The following GLRB variants were observed in gnomAD, a reference collection of about 807,000 sequenced individuals.
The protein encoded by GLRB is glycine receptor subunit beta.
Under a neutral mutation model 54.2 loss-of-function variants are expected in GLRB, and 33 were observed. That is an observed-to-expected ratio of 0.61 (90% confidence interval 0.46 to 0.81). GLRB has a LOEUF of 0.81. Among genes scored for constraint, GLRB ranks in the 40% least tolerant of loss-of-function variants. The pLI, the probability that GLRB is intolerant of heterozygous loss-of-function variation, is 0.00. For synonymous variants in GLRB, 209 were observed against 208.2 expected (o/e 1.00, Z -0.03); for missense variants, 572 against 584.6 (o/e 0.98, Z 0.22).
At chr4:157,132,795 A>G (rs757125562) in intron 4 of GLRB, among the ~76,000 whole-genome samples, 80 of 151,906 alleles carry the variant, frequency 5.3e-4, no homozygotes, top group Non-Finnish European at 8.5e-4. Context: ...GTCCGGCAAA[A>G]TCAATTTTTA....
At chr4:157,094,427 G>T (rs548701713) in intron 2 of GLRB, among the ~76,000 whole-genome samples, 20 of 152,260 alleles carry the variant, frequency 1.3e-4, no homozygotes, top group African/African-American at 4.6e-4. Context: ...AATCACTGCA[G>T]TTTATTTTTC....
At chr4:157,140,337 T>A (rs1023914960) in intron 7 of GLRB, among the ~76,000 whole-genome samples, 1 of 151,906 alleles carries the variant, frequency 6.6e-6, no homozygotes, top group African/African-American at 2.4e-5. Flanking sequence ...GTGAATACAT[T>A]ACTTATTAAA....
At chr4:157,127,017 A>G (rs1736038920) in intron 4 of GLRB, among the ~76,000 whole-genome samples, 2 of 151,852 alleles carry the variant, frequency 1.3e-5, no homozygotes, top group Admixed American at 1.3e-4. Context: ...TTTTAATAAT[A>G]GATTGCAACT....
At position 157,129,751 on chromosome 4, in the gene GLRB, G is replaced by A. The variant is rs532769326; in HGVS notation, c.298-6718G>A. ...AAATAATTGGGGTAGAGACCCATTTGAGCTTTTTTTTTGTGGTGTATTGAG... is the reference window on the plus strand; with the variant it reads ...AAATAATTGGGGTAGAGACCCATTTAAGCTTTTTTTTTGTGGTGTATTGAG... On this transcript the variant is annotated intron_variant, in intron 4 of 9. Transcript: ENST00000264428. Among the ~76,000 whole-genome samples, 134 of 151,210 alleles carry A rather than the reference G, an allele frequency of 8.9e-4. 2 individuals carry two copies. The South Asian group carries it at 0.017, about 19-fold the overall frequency.
At chr4:157,106,669 C>G (rs887116207) in intron 2 of GLRB, among the ~76,000 whole-genome samples, 4 of 151,900 alleles carry the variant, frequency 2.6e-5, no homozygotes, top group Non-Finnish European at 5.9e-5. Context: ...GTATTTGGAA[C>G]CTGGCACTCA....
At chr4:157,100,721 G>A (rs1371825365) in intron 2 of GLRB, among the ~76,000 whole-genome samples, 1 of 152,080 alleles carries the variant, frequency 6.6e-6, no homozygotes, top group Non-Finnish European at 1.5e-5. Context: ...ACAGAAACCA[G>A]TTGGGAATGT....
intron 9 of GLRB, among the ~76,000 whole-genome samples, chr4:157,159,454 T>C (rs550320681): frequency 3.3e-5 from 5 of 152,300 alleles, no homozygotes; most frequent in African/African-American, 9.6e-5. Flanking sequence ...TTGAGTATGA[T>C]ATTGGGCTGT....
At chr4:157,107,421 TA>T (rs1308758243) in intron 2 of GLRB, among the ~76,000 whole-genome samples, 4 of 152,036 alleles carry the variant, frequency 2.6e-5, no homozygotes, top group African/African-American at 9.7e-5. Flanking sequence ...AGAAGGAAAT[TA>T]AAAGTGCCAT....
intron 2 of GLRB, among the ~76,000 whole-genome samples, chr4:157,110,175 C>A (rs1418712512): frequency 2.0e-5 from 3 of 151,936 alleles, no homozygotes; most frequent in Non-Finnish European, 4.4e-5. Flanking sequence ...GGGCCATGAA[C>A]TGCCAGTCAT....
intron 2 of GLRB, among the ~76,000 whole-genome samples, chr4:157,101,001 C>A (rs1222349448): frequency 6.6e-6 from 1 of 152,090 alleles, no homozygotes; most frequent in Admixed American, 6.6e-5. Flanking sequence ...TAGACACTTA[C>A]TAAACATTTA....
intron 2 of GLRB, among the ~76,000 whole-genome samples, chr4:157,102,262 C>A (rs1221204110): frequency 6.6e-6 from 1 of 152,148 alleles, no homozygotes; most frequent in Non-Finnish European, 1.5e-5. Context: ...CAATACAGTA[C>A]TGTTAACTAT....
In GLRB at chr4:157,152,930, G is replaced by A. The variant is rs774510039; in HGVS notation, c.1117G>A (p.Ala373Thr). ...AGCCAGAATTGCTAAGGCTGAGCAA[G>A]CAGATGGAAAAGGTGGAAATGTGGC... ...EKARIAKAEQ[A>T]DGKGGNVAKK... The change falls in exon 9 of 10, where the codon GCA becomes ACA. Residue 373 changes from alanine (A) to threonine (T), a missense_variant. By Grantham distance (58) the Ala-to-Thr change is moderately conservative. Transcript: ENST00000264428. 1.9e-6 allele frequency: 3 copies of A among 1,613,898 alleles called. No homozygotes were observed. The highest frequency in any genetic ancestry group is 2.5e-6 in the Non-Finnish European group (3 of 1,179,842).
intron 9 of GLRB, among the ~76,000 whole-genome samples, chr4:157,166,092 G>C (rs1015040737): frequency 6.6e-6 from 1 of 151,856 alleles, no homozygotes; most frequent in African/African-American, 2.4e-5. Flanking sequence ...GAAAATCTTA[G>C]AGGCTAAAGT....
chr4:157,086,857 T>G (rs925112134), intron 2 of GLRB, among the ~76,000 whole-genome samples: 3 of 152,146 alleles, frequency 2.0e-5, no homozygotes, highest in Non-Finnish European at 4.4e-5. Context: ...ATGCCCAAGA[T>G]CTCATGGGCC....
chr4:157,168,593 A>C (rs544528119), intron 9 of GLRB, among the ~76,000 whole-genome samples: 9 of 152,330 alleles, frequency 5.9e-5, no homozygotes, highest in South Asian at 4.1e-4. Context: ...CAATTGCTAA[A>C]TAAGTCAACA....
At chr4:157,106,960 G>A (rs1459102038) in intron 2 of GLRB, among the ~76,000 whole-genome samples, 3 of 152,010 alleles carry the variant, frequency 2.0e-5, no homozygotes, top group Non-Finnish European at 4.4e-5. Flanking sequence ...CCAACAGCTT[G>A]TGTTCCCCGT....
chr4:157,095,911 A>G (rs1734792626), intron 2 of GLRB, among the ~76,000 whole-genome samples: 2 of 152,160 alleles, frequency 1.3e-5, no homozygotes, highest in African/African-American at 2.4e-5. Flanking sequence ...ACCAGACAGC[A>G]TGAGGGCAAG....
intron 2 of GLRB, among the ~76,000 whole-genome samples, chr4:157,100,301 T>C (rs1734971935): frequency 6.6e-6 from 1 of 152,218 alleles, no homozygotes; most frequent in Non-Finnish European, 1.5e-5. Context: ...TGATATGGGA[T>C]AGTGTTAAGA....
intron 2 of GLRB, among the ~76,000 whole-genome samples, chr4:157,106,689 GTTCTCAGGCT>G (rs754531866): frequency 3.1e-4 from 47 of 151,974 alleles, no homozygotes; most frequent in Non-Finnish European, 4.0e-4. Context: ...AGCCCTCTAG[GTTCTCAGGCT>G]TTCAATATCA....
Sources: allele counts gnomAD v4.1 joint callset (sites outside exome capture counted in the v4.1 genomes callset), GRCh38; gene constraint gnomAD v4.1.1; transcripts MANE v1.5; gene names NCBI Gene and HGNC (gene_info 2026-07-23, HGNC 2026-07-21).